Variants in CARD8 observed in about 807,000 individuals in gnomAD.
CARD8 encodes caspase recruitment domain family member 8, also known as caspase recruitment domain-containing protein 8.
Under a neutral mutation model 53.2 loss-of-function variants are expected in CARD8, and 38 were observed. That is an observed-to-expected ratio of 0.71 (90% CI 0.55 to 0.94). CARD8 has a LOEUF of 0.94. CARD8 is among the 40% of genes least tolerant of loss of function. The pLI, the probability that CARD8 is intolerant of heterozygous loss-of-function variation, is 0.00. For missense variants in CARD8, 561 were observed against 655.5 expected, an observed-to-expected ratio of 0.86 and a Z score of 1.57; for synonymous variants, 245 against 244.9, an observed-to-expected ratio of 1.00 and a Z score of 0.00.
At chr19:48,243,187 G>T (rs987904029) in intron 3 of CARD8, among the ~76,000 whole-genome samples, 5 of 152,020 alleles carry the variant, frequency 3.3e-5, no homozygotes, top group African/African-American at 1.2e-4. Context: ...TAATTTTTTT[G>T]TATTTTTAGT....
intron 12 of CARD8, among the ~76,000 whole-genome samples, chr19:48,217,505 A>G (rs911676819): frequency 2.6e-5 from 4 of 152,208 alleles, no homozygotes; most frequent in African/African-American, 7.2e-5. Context: ...GGGTGCTTTT[A>G]TGTTATAGTA....
downstream of CARD8, chr19:48,203,939 G>A (rs550598183): frequency 3.5e-5 from 10 of 283,832 alleles, no homozygotes; most frequent in African/African-American, 2.1e-4. Flanking sequence ...GCGCTTTCGC[G>A]TCCAAGTCCC....
chr19:48,226,828 A>G (rs1348049438), intron 10 of CARD8, among the ~76,000 whole-genome samples: 2 of 152,096 alleles, frequency 1.3e-5, no homozygotes, highest in African/African-American at 4.8e-5. Flanking sequence ...TGGGAAAGAA[A>G]AGAAATCGAG....
intron 10 of CARD8, among the ~76,000 whole-genome samples, chr19:48,224,327 T>C (rs2145879645): frequency 6.6e-6 from 1 of 152,278 alleles, no homozygotes; most frequent in East Asian, 1.9e-4. Flanking sequence ...TAGTAATGTA[T>C]TTCATTTAAC....
Position 48,218,935 on chromosome 19 carries a change from G to A in CARD8, c.1239C>T (p.Pro413=), listed in dbSNP as rs1255214324. Reference sequence around the variant, plus strand: ...TTTTTTCAGTAATCTCAAGTTGAATGGGTTCCTTCATCTGCCCAGCATAGA... The same window carrying A: ...TTTTTTCAGTAATCTCAAGTTGAATAGGTTCCTTCATCTGCCCAGCATAGA... ...SKFYAGQMKE[P]IQLEITEKRH... is the part of the protein sequence containing the mutation. Residue 413 remains proline (P), a synonymous_variant, in exon 12 of 14, where the codon CCC becomes CCT. Coordinates refer to ENST00000651546, the MANE Select transcript of CARD8 (RefSeq NM_001184900.3). 3.1e-6 allele frequency: 5 copies of A among 1,613,792 alleles called. No homozygotes were observed. Among genetic ancestry groups the A allele is most frequent in the African/African-American group, 1.3e-5 (1 of 74,874 alleles).
At chr19:48,220,225 G>A (rs2040208947) in intron 11 of CARD8, among the ~76,000 whole-genome samples, 2 of 152,140 alleles carry the variant, frequency 1.3e-5, no homozygotes, top group Admixed American at 1.3e-4. Context: ...GAGCAAGGTT[G>A]GGCACTTTAT....
Position 48,231,651 on chromosome 19 carries a change from C to A in CARD8, c.542+9G>T. The stretch of plus-strand genomic sequence containing the variant: ...TGGTTTTCAAATCATCAGCATCTTC[C>A]ATTCTTACCTGTATCTGTTTGTGCT... On this transcript the variant is annotated intron_variant, in intron 8 of 13. Coordinates refer to ENST00000651546, the MANE Select transcript of CARD8 (RefSeq NM_001184900.3). 1.3e-6 allele frequency: 2 copies of A among 1,579,068 alleles called. No homozygotes were observed. Among genetic ancestry groups the A allele is most frequent in the Non-Finnish European group, 1.7e-6 (2 of 1,163,376 alleles).
At position 48,230,508 on chromosome 19, in the gene CARD8, T is replaced by C. The variant is rs759936231; in HGVS notation, c.965A>G (p.Tyr322Cys). 16 of 1,613,884 alleles carry C rather than the reference T, an allele frequency of 9.9e-6. No homozygotes were observed. The East Asian group carries it at 2.5e-4, about 25-fold the overall frequency. The change falls in exon 10 of 14, where the codon TAT becomes TGT. Residue 322 changes from tyrosine to cysteine, a missense_variant. By Grantham distance (194) the Tyr-to-Cys change is radical. Transcript: ENST00000651546. The stretch of plus-strand genomic sequence containing the variant: ...AATATCTTCGGGGTGGGGGTGATAA[T>C]AGATCAATGTGTTGGAAGTGATGGG... ...SIPITSNTLI[Y>C]YHPHPEDIKF...
At chr19:48,250,343 C>A (rs2046790117) in intron 1 of CARD8, among the ~76,000 whole-genome samples, 1 of 152,220 alleles carries the variant, frequency 6.6e-6, no homozygotes, top group Non-Finnish European at 1.5e-5. Flanking sequence ...CAGGCAGTTG[C>A]TGGGCAGCAT....
intron 3 of CARD8, among the ~76,000 whole-genome samples, chr19:48,244,509 T>C (rs1316278065): frequency 2.0e-5 from 3 of 152,194 alleles, no homozygotes; most frequent in Non-Finnish European, 2.9e-5. Flanking sequence ...AGCCTCATAC[T>C]CGGTGATTTA....
intron 1 of CARD8, among the ~76,000 whole-genome samples, chr19:48,254,307 A>G (rs948579542): frequency 1.3e-5 from 2 of 152,218 alleles, no homozygotes; most frequent in African/African-American, 4.8e-5. Flanking sequence ...AATATGTTCA[A>G]TCTTAGGATA....
chr19:48,248,009 C>T (rs962651546), intron 3 of CARD8, among the ~76,000 whole-genome samples: 3 of 151,966 alleles, frequency 2.0e-5, no homozygotes, highest in Non-Finnish European at 4.4e-5. Context: ...AAAGTTTTGA[C>T]GGTTTACTTT....
At chr19:48,204,012 G>A, downstream of CARD8, 1 of 371,294 alleles carries the variant, frequency 2.7e-6, no homozygotes, top group Non-Finnish European at 5.4e-6. Context: ...CTGAGCATGT[G>A]CAGGCTGCGG....
chr19:48,235,290 A>G (rs2043674078), intron 5 of CARD8, among the ~76,000 whole-genome samples: 1 of 152,094 alleles, frequency 6.6e-6, no homozygotes, highest in African/African-American at 2.4e-5. Context: ...CAAGATATTC[A>G]ATGGCCAATA....
chr19:48,242,728 G>GGAGTGGA (rs575558955), intron 3 of CARD8: 12 of 152,142 alleles, frequency 7.9e-5, no homozygotes, highest in Non-Finnish European at 1.5e-4. Flanking sequence ...TACATACTTA[G>GGAGTGGA]GAGTGGAGTT....
chr19:48,233,607 T>A, intron 6 of CARD8: 1 of 333,454 alleles, frequency 3.0e-6, no homozygotes, highest in South Asian at 2.3e-5. Flanking sequence ...TCCTGGTGCA[T>A]GTGCATGCTG....
chr19:48,215,212 G>A (rs2039014106), intron 13 of CARD8, 128 bp downstream of exon 13: 2 of 660,798 alleles, frequency 3.0e-6, no homozygotes. Flanking sequence ...TGAGGTTGCT[G>A]CAGACCTATA....
At position 48,253,128 on chromosome 19, in the gene CARD8, G is replaced by A. The variant is rs567485174; in HGVS notation, c.-252+2664C>T. 3.3e-5 allele frequency among the ~76,000 whole-genome samples: 5 copies of A among 152,294 alleles called. No homozygotes were observed. The South Asian group carries it at 6.2e-4, about 19-fold the overall frequency. ...CAGAATGTTTGTGGTACAGGAAAAC[G>A]TATATGTACACATGATAGGAGCTAA... On this transcript the variant is annotated intron_variant, in intron 1 of 13. Coordinates refer to ENST00000651546, the MANE Select transcript of CARD8 (RefSeq NM_001184900.3).
chr19:48,244,558 A>T (rs971689653), intron 3 of CARD8, among the ~76,000 whole-genome samples: 13 of 152,236 alleles, frequency 8.5e-5, no homozygotes, highest in Admixed American at 2.6e-4. Flanking sequence ...AGGTCTGGGC[A>T]GGTAGAGTGG....
Sources: allele counts gnomAD v4.1 joint callset (sites outside exome capture counted in the v4.1 genomes callset), GRCh38; gene constraint gnomAD v4.1.1; transcripts MANE v1.5; gene names NCBI Gene and HGNC (gene_info 2026-07-23, HGNC 2026-07-21).